The following ATAD2 variants were observed in gnomAD, a reference collection of about 807,000 sequenced individuals.
The protein encoded by ATAD2 is ATPase family AAA domain-containing protein 2.
Under a neutral mutation model 168.9 loss-of-function variants are expected in ATAD2, and 62 were observed. The ratio of observed to expected loss-of-function variants is 0.37; its 90% CI spans 0.30 to 0.45. The LOEUF is 0.45. ATAD2 is among the 20% of genes least tolerant of loss of function. ATAD2 has a pLI of 1.00. For synonymous variants in ATAD2, 613 were observed against 571.6 expected, an observed-to-expected ratio of 1.07 and a Z score of -1.03; for missense variants, 1,419 against 1,667.8, an observed-to-expected ratio of 0.85 and a Z score of 2.60.
chr8:123,359,773 A>T (rs1828756878), intron 9 of ATAD2, 88 bp from the exon 10 acceptor site: 19 of 644,624 alleles, frequency 2.9e-5, no homozygotes, highest in Non-Finnish European at 4.3e-5. Context: ...CATTTAAGTT[A>T]AAAAAAAAAT....
intron 1 of ATAD2, 170 bp from the exon 2 acceptor site, chr8:123,380,847 G>T (rs931406619): frequency 1.6e-6 from 1 of 620,920 alleles, no homozygotes; most frequent in Non-Finnish European, 2.7e-6. Context: ...ACCATTTCAT[G>T]ATAAACAAAT....
chr8:123,387,117 A>AT (rs956127658), intron 1 of ATAD2, among the ~76,000 whole-genome samples: 4 of 152,034 alleles, frequency 2.6e-5, no homozygotes, highest in Admixed American at 6.6e-5. Context: ...TGCAAAAACC[A>AT]TTTTTTTCCT....
At chr8:123,327,669 GACA>G (rs1827650355) in intron 25 of ATAD2, among the ~76,000 whole-genome samples, 1 of 152,190 alleles carries the variant, frequency 6.6e-6, no homozygotes. Flanking sequence ...AGATCCAAAT[GACA>G]ACAATTCTAA....
chr8:123,344,976 T>A lies in ATAD2; in HGVS notation c.2626A>T (p.Thr876Ser). The part of the protein sequence containing the change: ...WEIVGPTLKA[T>S]FTTLLQNIPS... The stretch of plus-strand genomic sequence containing the variant: ...ATATTCTGTAATAATGTGGTAAATG[T>A]GGCTTTAAGTGTCGGTCCAACTATT... Residue 876 changes from threonine to serine, a missense_variant, in exon 19 of 28, where the codon ACA (threonine) becomes TCA (serine). Coordinates refer to ENST00000287394, the MANE Select transcript of ATAD2 (RefSeq NM_014109.4). The A allele has an allele frequency of 6.2e-7, 1 of 1,613,968 alleles. No individual in the cohort carries two copies. The highest frequency in any genetic ancestry group is 1.1e-5 in the South Asian group (1 of 91,080).
At chr8:123,342,714 A>AACTT (rs1302845507) in intron 19 of ATAD2, among the ~76,000 whole-genome samples, 7 of 152,176 alleles carry the variant, frequency 4.6e-5, no homozygotes, top group Non-Finnish European at 8.8e-5. Flanking sequence ...TAGCTTATTT[A>AACTT]ACTTGGAGGT....
chr8:123,337,550 T>TA, intron 21 of ATAD2, 75 bp downstream of exon 21: 6 of 1,385,510 alleles, frequency 4.3e-6, no homozygotes, highest in Non-Finnish European at 5.8e-6. Context: ...CAGAACCACA[T>TA]AAACTCTTCA....
intron 27 of ATAD2, among the ~76,000 whole-genome samples, chr8:123,322,552 C>G (rs1191848943): frequency 6.6e-6 from 1 of 152,008 alleles, no homozygotes; most frequent in Non-Finnish European, 1.5e-5. Context: ...GCCTGTGGTC[C>G]CAGCTACTTG....
rs1827604824 is a variant in ATAD2, at chr8:123,325,957, T to C, written c.3938A>G (p.Glu1313Gly). 3 of 1,613,992 alleles carry C rather than the reference T, an allele frequency of 1.9e-6. No individual in the cohort carries two copies. The African/African-American group carries it at 4.0e-5, about 22-fold the overall frequency. Residue 1313 changes from glutamate to glycine, a missense_variant, in exon 26 of 28, where the codon GAA becomes GGA. Transcript: ENST00000287394. The stretch of plus-strand genomic sequence containing the variant: ...CTGAGAAAGAATTGCCAAAGCCTTT[T>C]CAACAGTGATGAGCTGCTGCTGTTC... ...QVEQQQLITV[E>G]KALAILSQPT...
At chr8:123,390,039 C>T (rs1356417489) in intron 1 of ATAD2, among the ~76,000 whole-genome samples, 3 of 145,044 alleles carry the variant, frequency 2.1e-5, no homozygotes, top group Non-Finnish European at 3.0e-5. Flanking sequence ...AGTGCAATGG[C>T]GCAATCTCGG....
At chr8:123,380,035 C>T (rs1176353588) in intron 2 of ATAD2, among the ~76,000 whole-genome samples, 3 of 151,420 alleles carry the variant, frequency 2.0e-5, no homozygotes, top group Non-Finnish European at 4.4e-5. Flanking sequence ...TACAGGCATG[C>T]GCCACCATGC....
chr8:123,365,796 GA>G (rs1172167767), intron 8 of ATAD2, among the ~76,000 whole-genome samples: 7 of 152,078 alleles, frequency 4.6e-5, no homozygotes, highest in Non-Finnish European at 1.0e-4. Flanking sequence ...TTAAATCTAA[GA>G]CCTGAAACTA....
intron 2 of ATAD2, among the ~76,000 whole-genome samples, chr8:123,380,037 C>T (rs1407285537): frequency 6.6e-6 from 1 of 151,910 alleles, no homozygotes; most frequent in Admixed American, 6.6e-5. Flanking sequence ...CAGGCATGCG[C>T]CACCATGCCC....
chr8:123,329,852 G>A (rs1190447782), intron 24 of ATAD2, among the ~76,000 whole-genome samples: 1 of 151,490 alleles, frequency 6.6e-6, no homozygotes, highest in East Asian at 1.9e-4. Flanking sequence ...GGTACAGAGA[G>A]GTTAAATATT....
intron 1 of ATAD2, among the ~76,000 whole-genome samples, chr8:123,384,102 A>T (rs1376125461): frequency 6.6e-6 from 1 of 151,974 alleles, no homozygotes; most frequent in Non-Finnish European, 1.5e-5. Flanking sequence ...AAAGAAAGAA[A>T]GAAAAAAACT....
At chr8:123,375,421 T>C (rs1829278889) in intron 2 of ATAD2, among the ~76,000 whole-genome samples, 1 of 152,154 alleles carries the variant, frequency 6.6e-6, no homozygotes, top group South Asian at 2.1e-4. Context: ...ACATTGGTGG[T>C]AGGAATGTAA....
Position 123,344,904 on chromosome 8 carries a change from G to A in ATAD2, c.2698C>T (p.His900Tyr). ...VLLLATSDKP[H>Y]SALPEEVQEL... is the part of the protein sequence containing the mutation. ...ATTACCTCTTCTGGCAAAGCGGAAT[G>A]GGGTTTGTCAGAAGTTGCAAGTAGT... The change falls in exon 19 of 28, where the codon CAT (histidine) becomes TAT (tyrosine). Residue 900 changes from histidine (H) to tyrosine (Y), a missense_variant. By Grantham distance (83) the His-to-Tyr change is moderately conservative (BLOSUM62 2). Around this residue, in one of 5 missense-constraint regions of ATAD2, gnomAD observed 545 missense variants for 724.9 expected, o/e 0.75. Coordinates refer to ENST00000287394, the MANE Select transcript of ATAD2 (RefSeq NM_014109.4). 8.7e-6 allele frequency: 14 copies of A among 1,614,062 alleles called. No individual in the cohort carries two copies. Among genetic ancestry groups the A allele is most frequent in the Non-Finnish European group, 1.2e-5 (14 of 1,179,952 alleles).
intron 15 of ATAD2, among the ~76,000 whole-genome samples, chr8:123,347,784 T>C (rs1828300335): frequency 6.6e-6 from 1 of 152,118 alleles, no homozygotes; most frequent in Admixed American, 6.6e-5. Context: ...GCTACCTACA[T>C]CACAGGAATG....
rs1399671841 is a variant in ATAD2, at chr8:123,330,678, T to A, written c.3479-2099A>T. On this transcript the variant is annotated intron_variant, in intron 24 of 27. Coordinates refer to ENST00000287394, the MANE Select transcript of ATAD2 (RefSeq NM_014109.4). The stretch of plus-strand genomic sequence containing the variant: ...CGCCTGGCCCTATCTTCATATTTTT[T>A]AAGCCAAACCTCTTTCTAAAATTAT... Among the ~76,000 whole-genome samples the A allele has an allele frequency of 4.0e-5, 6 of 151,896 alleles. No individual in the cohort carries two copies. The East Asian group carries it at 7.8e-4, about 20-fold the overall frequency.
At chr8:123,358,022 TC>T (rs976360236) in intron 11 of ATAD2, among the ~76,000 whole-genome samples, 9 of 152,308 alleles carry the variant, frequency 5.9e-5, no homozygotes, top group African/African-American at 2.2e-4. Context: ...TAATCACATA[TC>T]ACAATCATAT....
Sources: allele counts gnomAD v4.1 joint callset (sites outside exome capture counted in the v4.1 genomes callset), GRCh38; gene constraint gnomAD v4.1.1; regional missense constraint gnomAD v4.1.1; transcripts MANE v1.5; gene names NCBI Gene and HGNC (gene_info 2026-07-23, HGNC 2026-07-21).